The following SH3KBP1 variants were observed in gnomAD, a reference collection of about 807,000 sequenced individuals.
SH3KBP1 encodes SH3 domain-containing kinase-binding protein 1.
A neutral mutation model predicts 50.1 loss-of-function variants in SH3KBP1; 8 were observed. The observed-to-expected ratio is 0.16, with a 90% CI of 0.09 to 0.29. The LOEUF is 0.29. Ranked by LOEUF, SH3KBP1 falls within the 10% of genes least tolerant of loss-of-function variation. SH3KBP1 has a pLI of 1.00. For synonymous variants in SH3KBP1, 227 were observed against 218.6 expected (o/e 1.04, Z -0.34); for missense variants, 377 against 535.2 (o/e 0.70, Z 2.92).
rs780038301 is a variant in SH3KBP1, at chrX:19,642,630, G to T, written c.802+2770C>A. Among the ~76,000 whole-genome samples, 34 of 111,671 alleles carry T rather than the reference G, an allele frequency of 3.0e-4. 1 individual carries two copies. Among genetic ancestry groups the T allele is most frequent in the Admixed American group, 9.4e-5 (1 of 10,602 alleles). On this transcript the variant is annotated intron_variant, in intron 7 of 17. Coordinates refer to ENST00000397821, the MANE Select transcript of SH3KBP1 (RefSeq NM_031892.3). The stretch of plus-strand genomic sequence containing the variant: ...TTGGGCTATTTTTCTATCCCACAGA[G>T]GCCACAAATCTGTATCAATTATAAT...
At position 19,856,951 on chromosome X, in the gene SH3KBP1, C is replaced by CTTTTTTTTTTTTTTTTTT. The variant is rs758486199; in HGVS notation, c.5-20687_5-20670dup. Among the ~76,000 whole-genome samples, 18 of 20,040 alleles carry CTTTTTTTTTTTTTTTTTT rather than the reference C, an allele frequency of 9.0e-4. 7 individuals carry two copies. The highest frequency in any genetic ancestry group is 1.2e-3 in the Non-Finnish European group (12 of 10,012). The allele number at this position is 20,040 out of a possible 115,157, so 17.4% of individuals were successfully genotyped here. ...CTTTTCCCCTAGAGCTAATACTAGT[C>CTTTTTTTTTTTTTTTTTT]TTTTTTTTTTTTTTTTTTTTTTTTT... is the stretch of plus-strand genomic sequence containing the variant. On this transcript the variant is annotated intron_variant, in intron 1 of 17. Transcript: ENST00000397821.
At position 19,600,276 on chromosome X, in the gene SH3KBP1, C is replaced by T. The variant is rs774834933; in HGVS notation, c.1006-5276G>A. ...GCGCATGCCTGTGGTCCCATCTACT[C>T]GGGAGGCTGAGGCAGGAGGGTTGCT... is the stretch of plus-strand genomic sequence containing the variant. On this transcript the variant is annotated intron_variant, in intron 9 of 17. Transcript: ENST00000397821. 7.3e-5 allele frequency among the ~76,000 whole-genome samples: 8 copies of T among 109,770 alleles called. No homozygotes were observed. The East Asian group carries it at 2.0e-3, about 28-fold the overall frequency.
intron 1 of SH3KBP1, among the ~76,000 whole-genome samples, chrX:19,873,681 A>G (rs1047946249): frequency 9.2e-6 from 1 of 108,151 alleles, no homozygotes; most frequent in East Asian, 2.9e-4. Context: ...AAAAAAATAA[A>G]AATAAAAATA....
chrX:19,759,471 C>T (rs916765240), intron 2 of SH3KBP1, among the ~76,000 whole-genome samples: 2 of 112,233 alleles, frequency 1.8e-5, no homozygotes, highest in African/African-American at 6.5e-5. Context: ...CAAAAAAGCA[C>T]CTGTTTACTG....
chrX:19,764,654 G>A (rs1348867335), intron 2 of SH3KBP1, among the ~76,000 whole-genome samples: 1 of 111,502 alleles, frequency 9.0e-6, no homozygotes, highest in Non-Finnish European at 1.9e-5. Flanking sequence ...AATAAAAGGC[G>A]ATGGTGCATT....
intron 2 of SH3KBP1, among the ~76,000 whole-genome samples, chrX:19,794,401 C>T (rs1279643938): frequency 1.8e-5 from 2 of 110,399 alleles, no homozygotes; most frequent in Non-Finnish European, 3.8e-5. Flanking sequence ...GATCCCGTCT[C>T]AATAAATAGA....
In SH3KBP1 at chrX:19,698,617, TGA is replaced by T. The variant is rs774974548; in HGVS notation, c.391-2878_391-2877del. Among the ~76,000 whole-genome samples, 6 of 112,107 alleles carry T rather than the reference TGA, an allele frequency of 5.4e-5. No homozygotes were observed. The South Asian group carries it at 2.2e-3, about 42-fold the overall frequency. ...CATGGGCACGATGCTCATTTTTCTGTGAGCTGGAGCCCTTCATGGGGGTGGTG... is the reference window on the plus strand; with the variant it reads ...CATGGGCACGATGCTCATTTTTCTGTGCTGGAGCCCTTCATGGGGGTGGTG... On this transcript the variant is annotated intron_variant, in intron 4 of 17. Transcript: ENST00000397821.
At chrX:19,861,276 C>CT (rs1453154338) in intron 1 of SH3KBP1, among the ~76,000 whole-genome samples, 4 of 109,563 alleles carry the variant, frequency 3.7e-5, no homozygotes, top group Non-Finnish European at 7.6e-5. Flanking sequence ...ACTCGGGAGG[C>CT]TGAGGCAGAA....
At chrX:19,577,612 G>A (rs950537100) in intron 12 of SH3KBP1, among the ~76,000 whole-genome samples, 1 of 110,887 alleles carries the variant, frequency 9.0e-6, no homozygotes, top group Non-Finnish European at 1.9e-5. Flanking sequence ...CAGTGGCATG[G>A]CCCAATTTAG....
At chrX:19,616,094 C>T (rs1361378458) in intron 8 of SH3KBP1, among the ~76,000 whole-genome samples, 25 of 110,601 alleles carry the variant, frequency 2.3e-4, no homozygotes, top group Non-Finnish European at 4.2e-4. Flanking sequence ...CTCGAGCAGC[C>T]AAGACTACAG....
intron 8 of SH3KBP1, among the ~76,000 whole-genome samples, chrX:19,608,306 C>CTTTTTTTTTTTTT (rs57794070): frequency 4.6e-5 from 4 of 87,296 alleles, no homozygotes; most frequent in Admixed American, 2.4e-4. Flanking sequence ...TTCTTTCTTT[C>CTTTTTTTTTTTTT]TTTTTTTTTT....
chrX:19,565,051 ATTTTTTTTTTTT>A (rs59323105), intron 13 of SH3KBP1, among the ~76,000 whole-genome samples: 149 of 66,515 alleles, frequency 2.2e-3, no homozygotes, highest in Non-Finnish European at 2.6e-3. Context: ...TTCAACTCCA[ATTTTTTTTTTTT>A]TTTTTTTTTT....
At chrX:19,594,813 G>A in intron 10 of SH3KBP1, 136 bp downstream of exon 10, 3 of 492,412 alleles carry the variant, frequency 6.1e-6, no homozygotes, top group Non-Finnish European at 1.1e-5. Flanking sequence ...TGCCTGCTGA[G>A]ACCAAATCGT....
chrX:19,598,130 C>T (rs887959055), intron 9 of SH3KBP1, among the ~76,000 whole-genome samples: 1 of 112,437 alleles, frequency 8.9e-6, no homozygotes, highest in Non-Finnish European at 1.9e-5. Flanking sequence ...ATAGTTAGGG[C>T]CTTGCTCTGA....
intron 6 of SH3KBP1, among the ~76,000 whole-genome samples, chrX:19,650,250 G>A (rs1002282333): frequency 2.7e-5 from 3 of 112,159 alleles, no homozygotes; most frequent in Non-Finnish European, 3.8e-5. Context: ...CCTTTCTCAC[G>A]CTGCTAGTAA....
At position 19,548,808 on chromosome X, in the gene SH3KBP1, T is replaced by C. The variant is rs138635440; in HGVS notation, c.1494+1166A>G. ...ACTTAGACTCACTGGAACAAGGCAATGTGCTATATGGAAATAAAGAGAGAG... is the reference window on the plus strand; with the variant it reads ...ACTTAGACTCACTGGAACAAGGCAACGTGCTATATGGAAATAAAGAGAGAG... On this transcript the variant is annotated intron_variant, in intron 14 of 17. Transcript: ENST00000397821. 7.0e-3 allele frequency among the ~76,000 whole-genome samples: 608 copies of C among 86,916 alleles called. 3 individuals are homozygous for C. The highest frequency in any genetic ancestry group is 9.9e-3 in the Non-Finnish European group (464 of 46,970). 75.5% of individuals were successfully genotyped at this position (86,916 alleles called of 115,157 possible). A position where few individuals can be genotyped will look rare whatever the true frequency, so the allele number is the denominator to read the frequency against.
chrX:19,717,451 C>T (rs777645728), intron 3 of SH3KBP1, among the ~76,000 whole-genome samples: 165 of 112,087 alleles, frequency 1.5e-3, no homozygotes, highest in African/African-American at 5.0e-3. Context: ...ACCTGCAGTG[C>T]CAGTTACTTG....
At chrX:19,793,313 A>AAAT (rs1418807395) in intron 2 of SH3KBP1, among the ~76,000 whole-genome samples, 178 of 96,965 alleles carry the variant, frequency 1.8e-3, no homozygotes, top group African/African-American at 6.6e-3. Context: ...AGGAAAAAAA[A>AAAT]ATATATATAT....
chrX:19,600,281 G>C (rs1473467519), intron 9 of SH3KBP1, among the ~76,000 whole-genome samples: 1 of 110,255 alleles, frequency 9.1e-6, no homozygotes, highest in African/African-American at 3.3e-5. Flanking sequence ...CTACTCGGGA[G>C]GCTGAGGCAG....
Sources: allele counts gnomAD v4.1 joint callset (sites outside exome capture counted in the v4.1 genomes callset), GRCh38; gene constraint gnomAD v4.1.1; transcripts MANE v1.5; gene names NCBI Gene and HGNC (gene_info 2026-07-23, HGNC 2026-07-21).